Variants in HSF2 observed in about 807,000 individuals in gnomAD.
The protein encoded by HSF2 is heat shock transcription factor 2.
Under a neutral mutation model 65.0 loss-of-function variants are expected in HSF2, and 21 were observed. The ratio of observed to expected loss-of-function variants is 0.32; its 90% CI spans 0.23 to 0.47. The LOEUF is 0.47. Ranked by LOEUF, HSF2 falls within the 20% of genes least tolerant of loss-of-function variation. The pLI, the probability that HSF2 is intolerant of heterozygous loss-of-function variation, is 1.00. For missense variants in HSF2, 499 were observed against 628.1 expected (o/e 0.79, Z 2.20); for synonymous variants, 225 against 219.1 (o/e 1.03, Z -0.24).
chr6:122,423,510 T>A, intron 9 of HSF2, 71 bp from the exon 10 acceptor site: 1 of 716,482 alleles, frequency 1.4e-6, no homozygotes, highest in Non-Finnish European at 2.2e-6. Context: ...CTAGCCAAGT[T>A]GTAATGGTGA....
intron 10 of HSF2, among the ~76,000 whole-genome samples, chr6:122,427,318 A>C (rs1774359066): frequency 6.6e-6 from 1 of 152,060 alleles, no homozygotes; most frequent in Non-Finnish European, 1.5e-5. Context: ...TATGACTTAT[A>C]GTTACATCTG....
rs760903949 is a variant in HSF2, at chr6:122,422,924, C to T, written c.1037C>T (p.Ser346Phe). The T allele has an allele frequency of 2.5e-6, 4 of 1,613,260 alleles. No individual in the cohort carries two copies. Among genetic ancestry groups the T allele is most frequent in the African/African-American group, 1.3e-5 (1 of 74,876 alleles). ...GAAGATCCAGTGACCATGATGGATTCCATTTTGAATGATAACATCAATCTT... is the reference window on the plus strand; with the variant it reads ...GAAGATCCAGTGACCATGATGGATTTCATTTTGAATGATAACATCAATCTT... ...TSEDPVTMMD[S>F]ILNDNINLLG... Residue 346 changes from serine to phenylalanine, a missense_variant, in exon 9 of 13, where the codon TCC becomes TTC. By Grantham distance (155) the Ser-to-Phe change is radical (BLOSUM62 -2). Around this residue, in one of 2 missense-constraint regions of HSF2, gnomAD observed 349 missense variants for 393.5 expected, o/e 0.89. Transcript: ENST00000368455.
chr6:122,417,072 G>A (rs958901466), intron 5 of HSF2, among the ~76,000 whole-genome samples: 7 of 151,966 alleles, frequency 4.6e-5, no homozygotes, highest in Admixed American at 3.3e-4. Flanking sequence ...ACAGGATCAG[G>A]GTCTAATGGA....
chr6:122,428,242 A>C (rs1327695795), intron 11 of HSF2, among the ~76,000 whole-genome samples: 1 of 152,000 alleles, frequency 6.6e-6, no homozygotes, highest in African/African-American at 2.4e-5. Flanking sequence ...CCAATAACTA[A>C]AATATGATTT....
chr6:122,427,905 T>G lies in HSF2; in HGVS notation c.1179T>G (p.Leu393=). 6.3e-7 allele frequency: 1 copy of G among 1,592,264 alleles called. No homozygotes were observed. Among genetic ancestry groups the G allele is most frequent in the Non-Finnish European group, 8.6e-7 (1 of 1,166,706 alleles). ...ATCTTTCTTGTTTGGTCTTTCAGCT[T>G]TTCACTAGTTCTGTGCAGATGAATC... ...FSIDPDLLVD[L]FTSSVQMNPT... is the part of the protein sequence containing the mutation. The change falls in exon 11 of 13, where the codon CTT becomes CTG. Residue 393 remains leucine, a splice_region_variant and synonymous_variant. Coordinates refer to ENST00000368455, the MANE Select transcript of HSF2 (RefSeq NM_004506.4).
At chr6:122,404,014 C>T (rs1773804539) in intron 1 of HSF2, among the ~76,000 whole-genome samples, 1 of 152,154 alleles carries the variant, frequency 6.6e-6, no homozygotes, top group Non-Finnish European at 1.5e-5. Flanking sequence ...GGAAGGTCAT[C>T]CTTTTGTCAG....
chr6:122,404,971 G>T (rs1773834412), intron 1 of HSF2, among the ~76,000 whole-genome samples: 1 of 152,124 alleles, frequency 6.6e-6, no homozygotes, highest in South Asian at 2.1e-4. Flanking sequence ...TAAAAATTCA[G>T]TTTATTTGGC....
At position 122,407,602 on chromosome 6, in the gene HSF2, T is replaced by A. The variant is rs201808380; in HGVS notation, c.94-4771T>A. ...TTTGCCATTTTTCTGTTTTTTTTTT[T>A]ATTATTTGTGAGAATTCCTATATAT... On this transcript the variant is annotated intron_variant, in intron 1 of 12. Transcript: ENST00000368455. Among the ~76,000 whole-genome samples, 340 of 146,792 alleles carry A rather than the reference T, an allele frequency of 2.3e-3. 8 individuals are homozygous for A. The East Asian group carries it at 0.045, about 20-fold the overall frequency.
In HSF2 at chr6:122,412,378, C is replaced by T. The variant is rs148893963; in HGVS notation, c.99C>T (p.Gly33=). 1.4e-4 allele frequency: 231 copies of T among 1,602,580 alleles called. No homozygotes were observed. Among genetic ancestry groups the T allele is most frequent in the Middle Eastern group, 3.4e-4 (2 of 5,948 alleles). The change falls in exon 2 of 13, where the codon GGC becomes GGT. Residue 33 remains glycine, a synonymous_variant. Coordinates refer to ENST00000368455, the MANE Select transcript of HSF2 (RefSeq NM_004506.4). Reference sequence around the variant, plus strand: ...TTTTTTTTTTCCCCTTGCAGAATGGCCAAAGTTTTCTGGTCTTGGATGAGC... The same window carrying T: ...TTTTTTTTTTCCCCTTGCAGAATGGTCAAAGTTTTCTGGTCTTGGATGAGC... ...TNEFITWSQN[G]QSFLVLDEQR...
chr6:122,422,709 C>T lies in HSF2; in HGVS notation c.831-9C>T, dbSNP rs771529420. ...ATGTAATAGGTTCCTTCTTTTATTG[C>T]TGATTTAGCTGTAGCCAGTACCCTG... On this transcript the variant is annotated splice_polypyrimidine_tract_variant and intron_variant, in intron 8 of 12. Coordinates refer to ENST00000368455, the MANE Select transcript of HSF2 (RefSeq NM_004506.4). The T allele has an allele frequency of 6.8e-6, 11 of 1,611,422 alleles. No homozygotes were observed. Among genetic ancestry groups the T allele is most frequent in the Non-Finnish European group, 9.3e-6 (11 of 1,178,174 alleles).
chr6:122,404,498 A>G (rs1294080442), intron 1 of HSF2, among the ~76,000 whole-genome samples: 1 of 152,248 alleles, frequency 6.6e-6, no homozygotes, highest in Non-Finnish European at 1.5e-5. Context: ...ATTATAGATT[A>G]GCAAGCCACA....
chr6:122,413,067 T>C (rs1253705232), intron 3 of HSF2, among the ~76,000 whole-genome samples: 1 of 151,842 alleles, frequency 6.6e-6, no homozygotes, highest in Non-Finnish European at 1.5e-5. Context: ...ATAGTAGGCA[T>C]TCAGAAATAC....
At chr6:122,399,976 G>A (rs1465921541) in intron 1 of HSF2, 146 bp downstream of exon 1, 2 of 677,196 alleles carry the variant, frequency 3.0e-6, no homozygotes, top group South Asian at 1.7e-5. Context: ...CCTCGCGGGG[G>A]ACCCCCTGTA....
chr6:122,432,053 G>C lies in HSF2; in HGVS notation c.1444G>C (p.Glu482Gln). 1.9e-6 allele frequency: 3 copies of C among 1,614,140 alleles called. No individual in the cohort carries two copies. The highest frequency in any genetic ancestry group is 1.3e-5 in the African/African-American group (1 of 75,048). The stretch of plus-strand genomic sequence containing the variant: ...TTTGTCCTCTGTAGATAAACCCATA[G>C]AAGTTGATGAGCTTCTGGATAGCAG... ...EVLSSVDKPI[E>Q]VDELLDSSLD... The change falls in exon 13 of 13, where the codon GAA (glutamate) becomes CAA (glutamine). Residue 482 changes from glutamate (E) to glutamine (Q), a missense_variant. Transcript: ENST00000368455.
chr6:122,422,356 G>A lies in HSF2; in HGVS notation c.830+58G>A, dbSNP rs1050549130. On this transcript the variant is annotated intron_variant, in intron 8 of 12. Coordinates refer to ENST00000368455, the MANE Select transcript of HSF2 (RefSeq NM_004506.4). ...TATTGATTACTTTTCTTATTACAGA[G>A]TAAAATTCAAAACTACTTTGTTCTT... 2.0e-5 allele frequency: 26 copies of A among 1,274,160 alleles called. No homozygotes were observed. In the African/African-American group the frequency reaches 3.5e-4, roughly 17 times the overall value. The allele number at this position is 1,274,160 out of a possible 1,614,324, so 78.9% of individuals were successfully genotyped here.
intron 10 of HSF2, among the ~76,000 whole-genome samples, chr6:122,427,323 C>A (rs1299575981): frequency 6.6e-6 from 1 of 152,018 alleles, no homozygotes; most frequent in Non-Finnish European, 1.5e-5. Context: ...CTTATAGTTA[C>A]ATCTGTGAAC....
At chr6:122,424,984 A>G (rs545600548) in intron 10 of HSF2, among the ~76,000 whole-genome samples, 3 of 152,148 alleles carry the variant, frequency 2.0e-5, no homozygotes, top group Non-Finnish European at 2.9e-5. Flanking sequence ...TCATTCTCTC[A>G]TAAGTAATGA....
chr6:122,405,843 T>G (rs929540282), intron 1 of HSF2, among the ~76,000 whole-genome samples: 4 of 152,202 alleles, frequency 2.6e-5, no homozygotes, highest in African/African-American at 9.7e-5. Flanking sequence ...TAAGAAAAAG[T>G]TTATAAATCC....
chr6:122,428,172 G>T (rs1443188225), intron 11 of HSF2, among the ~76,000 whole-genome samples: 1 of 152,002 alleles, frequency 6.6e-6, no homozygotes, highest in Non-Finnish European at 1.5e-5. Context: ...TTAACTACCA[G>T]TATGAAATTA....
Sources: gnomAD v4.1 joint callset for allele counts (sites outside exome capture counted in the v4.1 genomes callset) on GRCh38, gnomAD v4.1.1 for gene constraint, gnomAD v4.1.1 regional missense constraint, MANE v1.5 for transcripts, NCBI Gene and HGNC (gene_info 2026-07-23, HGNC 2026-07-21) for gene names.